Variants in ATRNL1 observed in about 807,000 individuals in gnomAD.
The protein encoded by ATRNL1 is attractin like 1.
A neutral mutation model predicts 182.7 loss-of-function variants in ATRNL1; 95 were observed. The observed-to-expected ratio is 0.52, with a 90% CI of 0.44 to 0.62. The LOEUF (loss-of-function observed/expected upper bound fraction) is 0.62. ATRNL1 is among the 20% of genes least tolerant of loss of function. The pLI, the probability that ATRNL1 is intolerant of heterozygous loss-of-function variation, is 0.00. For missense variants in ATRNL1, 1,471 were observed against 1,679.5 expected (o/e 0.88, Z 2.17); for synonymous variants, 576 against 568.3 (o/e 1.01, Z -0.19).
chr10:115,235,642 A>G (rs1368653209), intron 9 of ATRNL1, among the ~76,000 whole-genome samples: 2 of 152,126 alleles, frequency 1.3e-5, no homozygotes, highest in African/African-American at 4.8e-5. Flanking sequence ...TTGTCAATTA[A>G]TAGACATTTG....
intron 14 of ATRNL1, among the ~76,000 whole-genome samples, chr10:115,282,445 T>A (rs564078121): frequency 3.8e-4 from 57 of 151,218 alleles, no homozygotes; most frequent in African/African-American, 1.1e-3. Context: ...AGTGTGATGT[T>A]CCCCTTCCTG....
At chr10:115,635,967 T>C (rs1462961976) in intron 26 of ATRNL1, among the ~76,000 whole-genome samples, 1 of 152,226 alleles carries the variant, frequency 6.6e-6, no homozygotes, top group Non-Finnish European at 1.5e-5. Context: ...CAGTATGTTA[T>C]GTCAGGTGAG....
intron 27 of ATRNL1, among the ~76,000 whole-genome samples, chr10:115,751,450 T>A (rs1948446592): frequency 6.6e-6 from 1 of 152,074 alleles, no homozygotes; most frequent in Admixed American, 6.6e-5. Flanking sequence ...AGGAAGGTTG[T>A]GAGAAAACAG....
intron 20 of ATRNL1, among the ~76,000 whole-genome samples, chr10:115,407,981 A>ATCTC (rs1554958684): frequency 1.2e-5 from 1 of 84,458 alleles, no homozygotes; most frequent in Non-Finnish European, 2.3e-5. Flanking sequence ...TTTGATTTGC[A>ATCTC]TTTCTTTTTT....
At chr10:115,683,786 A>G (rs77782793) in intron 26 of ATRNL1, among the ~76,000 whole-genome samples, 7,271 of 151,944 alleles carry the variant, frequency 0.048, 578 homozygotes, top group African/African-American at 0.16. Flanking sequence ...CTAAGTTGAA[A>G]TTTGTATAAG....
chr10:115,529,618 T>C (rs1377241614), intron 25 of ATRNL1, among the ~76,000 whole-genome samples: 2 of 152,016 alleles, frequency 1.3e-5, no homozygotes, highest in Non-Finnish European at 2.9e-5. Context: ...CATATTTCCC[T>C]AACCAACAAT....
At chr10:115,728,019 C>T (rs569910157) in intron 27 of ATRNL1, among the ~76,000 whole-genome samples, 224 of 147,932 alleles carry the variant, frequency 1.5e-3, no homozygotes, top group African/African-American at 4.4e-3. Flanking sequence ...CTCACACCTG[C>T]AATCCCAGCA....
chr10:115,816,120 A>G (rs1422787004), intron 27 of ATRNL1, among the ~76,000 whole-genome samples: 2 of 152,162 alleles, frequency 1.3e-5, no homozygotes, highest in Non-Finnish European at 2.9e-5. Flanking sequence ...GTTATCACTG[A>G]AATTCAGCAA....
intron 17 of ATRNL1, among the ~76,000 whole-genome samples, chr10:115,310,770 A>G (rs782738368): frequency 3.9e-5 from 6 of 152,098 alleles, no homozygotes; most frequent in Non-Finnish European, 8.8e-5. Context: ...CAAAAAGACT[A>G]GTTTTCATTT....
intron 26 of ATRNL1, among the ~76,000 whole-genome samples, chr10:115,663,049 A>T (rs1418695513): frequency 6.6e-6 from 1 of 152,206 alleles, no homozygotes; most frequent in East Asian, 1.9e-4. Context: ...TTTTATTGTT[A>T]TATAAATTAA....
intron 27 of ATRNL1, among the ~76,000 whole-genome samples, chr10:115,765,814 G>A (rs1273865050): frequency 6.6e-6 from 1 of 152,020 alleles, no homozygotes. Context: ...TAATTTTTGT[G>A]GAGGGTACTA....
chr10:115,181,355 C>G (rs1847739178), intron 8 of ATRNL1, among the ~76,000 whole-genome samples: 1 of 151,746 alleles, frequency 6.6e-6, no homozygotes, highest in Non-Finnish European at 1.5e-5. Flanking sequence ...GATATTCCAT[C>G]AAGGTCTATT....
At chr10:115,719,682 C>T (rs574356527) in intron 26 of ATRNL1, among the ~76,000 whole-genome samples, 1 of 152,050 alleles carries the variant, frequency 6.6e-6, no homozygotes, top group Admixed American at 6.6e-5. Flanking sequence ...TTGTTTGCTC[C>T]ATACTGCAAA....
chr10:115,559,933 G>A (rs1554998802), intron 26 of ATRNL1, among the ~76,000 whole-genome samples: 2 of 152,154 alleles, frequency 1.3e-5, no homozygotes, highest in Non-Finnish European at 2.9e-5. Flanking sequence ...AGATTGGGAA[G>A]AAAGAAGTAA....
intron 26 of ATRNL1, among the ~76,000 whole-genome samples, chr10:115,605,684 A>G (rs550297675): frequency 1.3e-5 from 2 of 152,188 alleles, no homozygotes; most frequent in Non-Finnish European, 2.9e-5. Context: ...GAATAATTAA[A>G]TAGACATGTG....
intron 28 of ATRNL1, among the ~76,000 whole-genome samples, chr10:115,908,595 G>A (rs1267328292): frequency 8.5e-5 from 13 of 152,138 alleles, no homozygotes; most frequent in African/African-American, 3.1e-4. Context: ...TAAAGTCCCT[G>A]TTGCCATGTA....
intron 25 of ATRNL1, among the ~76,000 whole-genome samples, chr10:115,535,836 G>A (rs10885732): frequency 5.9e-5 from 9 of 151,750 alleles, no homozygotes; most frequent in African/African-American, 1.9e-4. Context: ...AGATAGGACC[G>A]TCAGCTGCAG....
chr10:115,716,633 T>A (rs1324332480), intron 26 of ATRNL1, among the ~76,000 whole-genome samples: 3 of 152,024 alleles, frequency 2.0e-5, no homozygotes, highest in African/African-American at 7.2e-5. Flanking sequence ...CTTCTTGGGG[T>A]TGGGGGAACT....
chr10:115,928,922 T>A (rs1162498974), intron 28 of ATRNL1, among the ~76,000 whole-genome samples: 1 of 151,974 alleles, frequency 6.6e-6, no homozygotes, highest in African/African-American at 2.4e-5. Flanking sequence ...TCTCATACTT[T>A]TAAGATTATT....
Sources: gnomAD v4.1 joint callset for allele counts (sites outside exome capture counted in the v4.1 genomes callset) on GRCh38, gnomAD v4.1.1 for gene constraint, MANE v1.5 for transcripts, NCBI Gene and HGNC (gene_info 2026-07-23, HGNC 2026-07-21) for gene names.